CCDC180: variants seen among roughly 807,000 people sequenced by gnomAD.
The protein encoded by CCDC180 is coiled-coil domain containing 180.
Under a neutral mutation model 209.2 loss-of-function variants are expected in CCDC180, and 154 were observed. That is an observed-to-expected ratio of 0.74 (90% confidence interval 0.65 to 0.84). CCDC180 has a LOEUF of 0.84. Ranked by LOEUF, CCDC180 falls within the 40% of genes least tolerant of loss-of-function variation. The pLI is 0.00. For missense variants in CCDC180, 1,874 were observed against 1,997.3 expected (o/e 0.94, Z 1.18); for synonymous variants, 778 against 749.1 (o/e 1.04, Z -0.63).
intron 16 of CCDC180, among the ~76,000 whole-genome samples, chr9:97,329,892 C>T (rs1031366652): frequency 6.6e-6 from 1 of 152,000 alleles, no homozygotes; most frequent in Admixed American, 6.6e-5. Flanking sequence ...CACGGTGAAA[C>T]CCTGTCTTTA....
chr9:97,375,455 A>G lies in CCDC180; in HGVS notation c.4708A>G (p.Lys1570Glu), dbSNP rs145304919. ...EKPLIERGSR[K>E]WPGIKPTEVT... ...ATTTTCACACATGTTTGTTTGTAGG[A>G]AGTGGCCAGGGATCAAACCCACCGA... The change falls in exon 36 of 37, where the codon AAG becomes GAG. Residue 1570 changes from lysine (K) to glutamate (E), a missense_variant and splice_region_variant. Physicochemically the swap from Lys to Glu is moderately conservative, Grantham distance 56. Transcript: ENST00000529487. The G allele has an allele frequency of 1.9e-6, 3 of 1,614,186 alleles. No individual in the cohort carries two copies. Among genetic ancestry groups the G allele is most frequent in the African/African-American group, 1.3e-5 (1 of 75,044 alleles).
At chr9:97,327,182 A>C (rs1314470221) in intron 15 of CCDC180, among the ~76,000 whole-genome samples, 1 of 152,124 alleles carries the variant, frequency 6.6e-6, no homozygotes, top group Non-Finnish European at 1.5e-5. Flanking sequence ...AACAAAAAAA[A>C]ATTTAAACAT....
intron 21 of CCDC180, 150 bp from the exon 22 acceptor site, chr9:97,350,258 CA>C (rs1226836168): frequency 1.2e-4 from 83 of 715,774 alleles, no homozygotes; most frequent in Non-Finnish European, 4.7e-5. Context: ...TCCTCACCAT[CA>C]CCACCTGTCC....
chr9:97,367,813 T>C (rs975868960), intron 31 of CCDC180, among the ~76,000 whole-genome samples: 15 of 152,150 alleles, frequency 9.9e-5, no homozygotes, highest in African/African-American at 3.6e-4. Flanking sequence ...CAGATATTAA[T>C]AACACCCACC....
intron 18 of CCDC180, among the ~76,000 whole-genome samples, chr9:97,337,113 G>A (rs951747249): frequency 1.3e-5 from 2 of 152,128 alleles, no homozygotes; most frequent in African/African-American, 4.8e-5. Flanking sequence ...CTGCAAACAG[G>A]GACAATTTGA....
chr9:97,361,774 T>G lies in CCDC180; in HGVS notation c.3532T>G (p.Ser1178Ala). The G allele has an allele frequency of 6.2e-7, 1 of 1,614,134 alleles. No homozygotes were observed. Among genetic ancestry groups the G allele is most frequent in the Non-Finnish European group, 8.5e-7 (1 of 1,180,024 alleles). Residue 1178 changes from serine (S) to alanine (A), a missense_variant, in exon 27 of 37, where the codon TCA becomes GCA. Transcript: ENST00000529487. ...GGAAGACAGTGACATCCTGACATCT[T>G]CAGAAGCCCTTGAAGAGGAGGCCAA... Reference protein sequence around the residue: ...QEEDSDILTSSEALEEEAKLD... With the variant: ...QEEDSDILTSAEALEEEAKLD...
rs774769699 is a variant in CCDC180 at position 97,364,075 on chromosome 9, C to A, written c.3927C>A (p.Asn1309Lys). 6 of 1,614,154 alleles carry A rather than the reference C, an allele frequency of 3.7e-6. No homozygotes were observed. The highest frequency in any genetic ancestry group is 5.1e-6 in the Non-Finnish European group (6 of 1,180,006). The change falls in exon 29 of 37, where the codon AAC becomes AAA. Residue 1309 changes from asparagine (N) to lysine (K), a missense_variant. Coordinates refer to ENST00000529487, the MANE Select transcript of CCDC180 (RefSeq NM_020893.6). ...AGSFTPHPKP[N>K]KMERKYRVLG... ...GCTTCACACCGCACCCCAAGCCCAA[C>A]AAAATGGAGAGAAAGTACCGGGTGC...
rs762471822 is a variant in CCDC180 at position 97,308,156 on chromosome 9, T to G, written c.69+24T>G. On this transcript the variant is annotated intron_variant, in intron 2 of 36. Transcript: ENST00000529487. ...AGGTAGGAGCCGCCCTCTGTCCCGC[T>G]TTTCTCCATCCCCCTTCCCTTGCTT... The G allele has an allele frequency of 3.2e-6, 5 of 1,544,390 alleles. No individual in the cohort carries two copies. In the Admixed American group the frequency reaches 1.0e-4, roughly 32 times the overall value.
intron 21 of CCDC180, among the ~76,000 whole-genome samples, chr9:97,349,517 C>G (rs1826365445): frequency 6.6e-6 from 1 of 152,192 alleles, no homozygotes; most frequent in Non-Finnish European, 1.5e-5. Context: ...GCACAGGCAG[C>G]ATGCAAGGGT....
chr9:97,323,933 G>C (rs1478437409), intron 13 of CCDC180, 30 bp downstream of exon 13: 1 of 1,549,246 alleles, frequency 6.5e-7, no homozygotes, highest in Admixed American at 2.0e-5. Context: ...CCACTGGGGA[G>C]CTGAGGTGGG....
intron 22 of CCDC180, among the ~76,000 whole-genome samples, 190 bp downstream of exon 22, chr9:97,350,745 T>G (rs978362619): frequency 3.3e-5 from 5 of 152,240 alleles, no homozygotes; most frequent in African/African-American, 1.2e-4. Flanking sequence ...TCACCACCAC[T>G]GGTCACCAGA....
At chr9:97,369,777 C>T (rs1827025329) in intron 31 of CCDC180, 145 bp from the exon 32 acceptor site, 1 of 804,740 alleles carries the variant, frequency 1.2e-6, no homozygotes, top group Non-Finnish European at 1.9e-6. Flanking sequence ...ACCTCAGGAC[C>T]TCTTTTGATG....
At chr9:97,327,793 T>C (rs1219045355) in intron 15 of CCDC180, among the ~76,000 whole-genome samples, 2 of 152,096 alleles carry the variant, frequency 1.3e-5, no homozygotes, top group African/African-American at 2.4e-5. Flanking sequence ...GAAAGGGAGC[T>C]CATGTTACAA....
intron 14 of CCDC180, 26 bp from the exon 15 acceptor site, chr9:97,326,528 C>A (rs1224915872): frequency 7.2e-7 from 1 of 1,380,416 alleles, no homozygotes; most frequent in South Asian, 1.2e-5. Context: ...ACATCTGCTT[C>A]CTCTTGTTTT....
Position 97,325,047 on chromosome 9 carries a change from CAG to C in CCDC180, c.1403_1404del (p.Glu468ValfsTer55), listed in dbSNP as rs1443115610. 6.2e-7 allele frequency: 1 copy of C among 1,614,008 alleles called. No individual in the cohort carries two copies. Among genetic ancestry groups the C allele is most frequent in the Non-Finnish European group, 8.5e-7 (1 of 1,179,984 alleles). On this transcript the variant is annotated frameshift_variant, in exon 14 of 37. Transcript: ENST00000529487. LOFTEE classifies it high-confidence loss of function. ...TCCTTCGAGACTCTGGCAGATCAGA[CAG>C]AGTGGCAGAGTTCACACCTCTTCAA...
rs1826895322 is a variant in CCDC180 at position 97,365,588 on chromosome 9, C to T, written c.3981-85C>T. 1.0e-5 allele frequency: 13 copies of T among 1,258,228 alleles called. No homozygotes were observed. In the Middle Eastern group the frequency reaches 5.6e-4, roughly 54 times the overall value. 77.9% of individuals were successfully genotyped at this position (1,258,228 alleles called of 1,614,324 possible). A position where few individuals can be genotyped will look rare whatever the true frequency, so the allele number is the denominator to read the frequency against. ...GGAGTGTCACGGCCAAAACAGAGCA[C>T]TTGGAAAGTTCTGTTCATGTGGTTT... On this transcript the variant is annotated intron_variant, in intron 29 of 36. Coordinates refer to ENST00000529487, the MANE Select transcript of CCDC180 (RefSeq NM_020893.6).
chr9:97,331,817 GT>G (rs1825763267), intron 18 of CCDC180, among the ~76,000 whole-genome samples: 1 of 152,154 alleles, frequency 6.6e-6, no homozygotes, highest in Non-Finnish European at 1.5e-5. Context: ...CAGATGCATA[GT>G]TTGCAATTAT....
At chr9:97,309,970 G>A (rs1295714288) in intron 3 of CCDC180, among the ~76,000 whole-genome samples, 1 of 152,232 alleles carries the variant, frequency 6.6e-6, no homozygotes, top group Non-Finnish European at 1.5e-5. Context: ...AGGAGGATCA[G>A]CTGAAACCAG....
Position 97,330,541 on chromosome 9 carries a change from A to C in CCDC180, c.2048A>C (p.Asp683Ala). The change falls in exon 18 of 37, where the codon GAT becomes GCT. Residue 683 changes from aspartate to alanine, a missense_variant. Physicochemically the swap from Asp to Ala is moderately radical, Grantham distance 126 (BLOSUM62 -2). Coordinates refer to ENST00000529487, the MANE Select transcript of CCDC180 (RefSeq NM_020893.6). ...QKKSPLHAKM[D>A]ESKEGSIQGL... Reference sequence around the variant, plus strand: ...AAATCTCCACTGCATGCTAAGATGGATGAGTCCAAAGAAGGCTCTATTCAG... The same window carrying C: ...AAATCTCCACTGCATGCTAAGATGGCTGAGTCCAAAGAAGGCTCTATTCAG... 6.2e-7 allele frequency: 1 copy of C among 1,614,170 alleles called. No individual in the cohort carries two copies. Among genetic ancestry groups the C allele is most frequent in the Non-Finnish European group, 8.5e-7 (1 of 1,180,030 alleles).
Sources: gnomAD v4.1 joint callset for allele counts (sites outside exome capture counted in the v4.1 genomes callset) on GRCh38, gnomAD v4.1.1 for gene constraint, MANE v1.5 for transcripts, NCBI Gene and HGNC (gene_info 2026-07-23, HGNC 2026-07-21) for gene names.